ANKRD30B: variants seen among roughly 807,000 people sequenced by gnomAD.
ANKRD30B encodes ankyrin repeat domain 30B, also known as ankyrin repeat domain-containing protein 30B.
A neutral mutation model predicts 202.2 loss-of-function variants in ANKRD30B; 144 were observed. The observed-to-expected ratio is 0.71, with a 90% confidence interval of 0.62 to 0.82. The LOEUF (loss-of-function observed/expected upper bound fraction) is 0.82. Ranked by LOEUF, ANKRD30B falls within the 40% of genes least tolerant of loss-of-function variation. ANKRD30B has a pLI of 0.00. For synonymous variants in ANKRD30B, 508 were observed against 561.3 expected, an observed-to-expected ratio of 0.91 and a Z score of 1.34; for missense variants, 1,487 against 1,669.1, an observed-to-expected ratio of 0.89 and a Z score of 1.90.
At chr18:14,923,895 G>A in the ANKRD30B span, among the ~76,000 whole-genome samples, 2 of 152,248 alleles carry the variant, frequency 1.3e-5, no homozygotes, top group Non-Finnish European at 2.9e-5. Flanking sequence ...TACTGGGACT[G>A]TACTGAGTCA....
the ANKRD30B span, chr18:14,915,440 A>G: frequency 0.99 from 151,248 of 152,356 alleles, 75,082 homozygotes; most frequent in Middle Eastern, 1. Flanking sequence ...CCCAACCTAG[A>G]CCAGGTAGAG....
the ANKRD30B span, among the ~76,000 whole-genome samples, chr18:14,876,626 CAA>C: frequency 6.6e-6 from 1 of 152,178 alleles, no homozygotes; most frequent in Non-Finnish European, 1.5e-5. Context: ...GACTTCCAAA[CAA>C]ATGCTTTTAA....
intron 40 of ANKRD30B, among the ~76,000 whole-genome samples, chr18:14,849,175 T>C (rs990097559): frequency 7.2e-5 from 11 of 152,052 alleles, no homozygotes; most frequent in African/African-American, 2.6e-4. Context: ...GAAATACCAT[T>C]ACTTAGCAAA....
chr18:14,754,200 A>G (rs1598561076), intron 3 of ANKRD30B, among the ~76,000 whole-genome samples: 1 of 152,158 alleles, frequency 6.6e-6, no homozygotes, highest in East Asian at 1.9e-4. Context: ...AGTGCCTGAC[A>G]TTGGCATCTG....
intron 10 of ANKRD30B, among the ~76,000 whole-genome samples, chr18:14,779,414 CTTAT>C: frequency 6.6e-6 from 1 of 152,116 alleles, no homozygotes; most frequent in East Asian, 1.9e-4. Context: ...GTTCTTTAAG[CTTAT>C]TTATTTAAAA....
intron 33 of ANKRD30B, among the ~76,000 whole-genome samples, chr18:14,828,951 C>T (rs530695623): frequency 1.3e-5 from 2 of 152,258 alleles, no homozygotes; most frequent in East Asian, 3.9e-4. Flanking sequence ...TATTTAGAGG[C>T]TATTTCTTAT....
intron 15 of ANKRD30B, among the ~76,000 whole-genome samples, chr18:14,790,523 G>C (rs999034153): frequency 1.1e-4 from 16 of 152,186 alleles, no homozygotes; most frequent in African/African-American, 3.9e-4. Context: ...ATTGGCTGTG[G>C]GTTTGTCATA....
chr18:14,862,638 C>T, the ANKRD30B span, among the ~76,000 whole-genome samples: 1 of 152,244 alleles, frequency 6.6e-6, no homozygotes, highest in African/African-American at 2.4e-5. Context: ...CACTGGGGCA[C>T]TACCTACAGG....
At chr18:14,755,331 A>G (rs949340796) in intron 4 of ANKRD30B, among the ~76,000 whole-genome samples, 3 of 152,062 alleles carry the variant, frequency 2.0e-5, no homozygotes, top group Non-Finnish European at 4.4e-5. Context: ...TTATAATTCA[A>G]TATTGAATTA....
At chr18:14,808,487 C>A in intron 24 of ANKRD30B, 64 bp from the exon 25 acceptor site, 3 of 1,323,768 alleles carry the variant, frequency 2.3e-6, no homozygotes, top group Non-Finnish European at 3.3e-6. Flanking sequence ...TCACATTGTA[C>A]GAATGCTTGG....
At chr18:14,824,551 A>C (rs550225038) in intron 32 of ANKRD30B, among the ~76,000 whole-genome samples, 1 of 152,062 alleles carries the variant, frequency 6.6e-6, no homozygotes, top group African/African-American at 2.4e-5. Context: ...TAGAATAATG[A>C]TTTCTCATTT....
the ANKRD30B span, chr18:14,903,746 G>T: frequency 2.6e-5 from 4 of 151,868 alleles, no homozygotes; most frequent in Admixed American, 6.6e-5. Flanking sequence ...ATCTTCTGCC[G>T]GTTAAGCCAC....
chr18:14,824,714 AGATTT>A (rs1970592876), intron 32 of ANKRD30B, among the ~76,000 whole-genome samples: 1 of 152,236 alleles, frequency 6.6e-6, no homozygotes, highest in Non-Finnish European at 1.5e-5. Flanking sequence ...TCCCAAGATT[AGATTT>A]AAGTATCAGA....
the ANKRD30B span, among the ~76,000 whole-genome samples, chr18:14,870,533 T>C: frequency 2.0e-5 from 3 of 152,120 alleles, no homozygotes; most frequent in African/African-American, 7.2e-5. Context: ...GGGGAACACT[T>C]CCCACAGGCG....
At chr18:14,928,921 T>C in the ANKRD30B span, among the ~76,000 whole-genome samples, 1 of 152,256 alleles carries the variant, frequency 6.6e-6, no homozygotes, top group Non-Finnish European at 1.5e-5. Flanking sequence ...CATGCGTCTC[T>C]ATTCTTCATC....
At chr18:14,784,682 A>G (rs920225691) in intron 14 of ANKRD30B, 147 bp downstream of exon 14, 2 of 911,824 alleles carry the variant, frequency 2.2e-6, no homozygotes, top group African/African-American at 3.4e-5. Context: ...ATGTTTGAAA[A>G]CCTGATATTA....
the ANKRD30B span, among the ~76,000 whole-genome samples, chr18:14,885,066 T>A: frequency 7.2e-5 from 11 of 152,212 alleles, no homozygotes; most frequent in African/African-American, 2.6e-4. Flanking sequence ...CCAACTCTGT[T>A]TTAAGGTGAT....
At chr18:14,798,620 C>G (rs994956073) in intron 20 of ANKRD30B, among the ~76,000 whole-genome samples, 2 of 152,228 alleles carry the variant, frequency 1.3e-5, no homozygotes, top group African/African-American at 2.4e-5. Context: ...GTTCATAGCA[C>G]TATCTTATCC....
At position 14,748,523 on chromosome 18, in the gene ANKRD30B, A is replaced by G. The variant is rs899262751; in HGVS notation, c.104A>G (p.Tyr35Cys). Residue 35 changes from tyrosine (Y) to cysteine (C), a missense_variant, in exon 1 of 44, where the codon TAC (tyrosine) becomes TGC (cysteine). Around this residue, in one of 6 missense-constraint regions of ANKRD30B, gnomAD observed 889 missense variants for 841.4 expected, o/e 1.06. Coordinates refer to ENST00000690538, the MANE Select transcript of ANKRD30B (RefSeq NM_001367607.2). ...VYTEKDYGTI[Y>C]FGDLGKIHTA... ...ACTGAGAAGGACTACGGGACCATCT[A>G]CTTCGGGGATCTAGGGAAGATCCAT... The G allele has an allele frequency of 1.9e-6, 3 of 1,552,550 alleles. No homozygotes were observed. Among genetic ancestry groups the G allele is most frequent in the African/African-American group, 2.7e-5 (2 of 73,122 alleles).
Sources: gnomAD v4.1 joint callset for allele counts (sites outside exome capture counted in the v4.1 genomes callset) on GRCh38, gnomAD v4.1.1 for gene constraint, gnomAD v4.1.1 regional missense constraint, MANE v1.5 for transcripts, NCBI Gene and HGNC (gene_info 2026-07-23, HGNC 2026-07-21) for gene names.